Variants in FARP1 observed in about 807,000 individuals in gnomAD.
FARP1 encodes the protein FERM, ARH/RhoGEF and pleckstrin domain protein 1, also known as FERM, ARHGEF and pleckstrin domain-containing protein 1.
A neutral mutation model predicts 128.8 loss-of-function variants in FARP1; 52 were observed. The ratio of observed to expected loss-of-function variants is 0.40; its 90% CI spans 0.32 to 0.51. The LOEUF is 0.51. Ranked by LOEUF, FARP1 falls within the 20% of genes least tolerant of loss-of-function variation. The pLI, the probability that FARP1 is intolerant of heterozygous loss-of-function variation, is 0.45. For synonymous variants in FARP1, 580 were observed against 551.8 expected (o/e 1.05, Z -0.72); for missense variants, 1,333 against 1,367.9 (o/e 0.97, Z 0.40).
intron 5 of FARP1, among the ~76,000 whole-genome samples, chr13:98,370,021 A>G (rs1260148499): frequency 6.6e-6 from 1 of 152,266 alleles, no homozygotes; most frequent in Admixed American, 6.5e-5. Context: ...GAATACTCTC[A>G]TGGAAACAGA....
At chr13:98,391,594 T>C (rs1566946670) in intron 11 of FARP1, among the ~76,000 whole-genome samples, 1 of 152,188 alleles carries the variant, frequency 6.6e-6, no homozygotes, top group Non-Finnish European at 1.5e-5. Flanking sequence ...ATTATTATTA[T>C]TGTTGTTGGT....
At position 98,363,647 on chromosome 13, in the gene FARP1, C is replaced by T. The variant is rs558446413; in HGVS notation, c.277-1748C>T. 2.6e-5 allele frequency among the ~76,000 whole-genome samples: 4 copies of T among 152,348 alleles called. No individual in the cohort carries two copies. In the East Asian group the frequency reaches 5.8e-4, roughly 22 times the overall value. On this transcript the variant is annotated intron_variant, in intron 3 of 26. Transcript: ENST00000319562. Reference sequence around the variant, plus strand: ...TAAGAGATTGCCAAAATTATTCCAACGGGCCAGTCCTAAACTGTGTACCCT... The same window carrying T: ...TAAGAGATTGCCAAAATTATTCCAATGGGCCAGTCCTAAACTGTGTACCCT...
intron 1 of FARP1, among the ~76,000 whole-genome samples, chr13:98,187,990 A>G (rs1878988201): frequency 6.6e-6 from 1 of 152,194 alleles, no homozygotes. Flanking sequence ...CCTGAGGAAA[A>G]GTGTTCACAT....
intron 1 of FARP1, among the ~76,000 whole-genome samples, chr13:98,156,285 T>C (rs1695596293): frequency 6.6e-6 from 1 of 152,242 alleles, no homozygotes; most frequent in South Asian, 2.1e-4. Context: ...GTAGCTGTTA[T>C]TTGTATTATT....
At chr13:98,307,357 A>T (rs1886211645) in intron 2 of FARP1, among the ~76,000 whole-genome samples, 1 of 152,146 alleles carries the variant, frequency 6.6e-6, no homozygotes, top group Non-Finnish European at 1.5e-5. Flanking sequence ...AGTTGACAGA[A>T]CTAATACCTA....
At chr13:98,185,883 A>G (rs913127903) in intron 1 of FARP1, among the ~76,000 whole-genome samples, 1 of 151,740 alleles carries the variant, frequency 6.6e-6, no homozygotes, top group Non-Finnish European at 1.5e-5. Context: ...ATTTTAGTAG[A>G]GACAGGGTTT....
At chr13:98,219,203 G>A (rs544199097) in intron 2 of FARP1, among the ~76,000 whole-genome samples, 5 of 152,274 alleles carry the variant, frequency 3.3e-5, no homozygotes, top group East Asian at 3.9e-4. Flanking sequence ...AAAAAGGGAC[G>A]GAGCCGAAGT....
intron 1 of FARP1, among the ~76,000 whole-genome samples, chr13:98,203,412 G>A (rs1566736024): frequency 6.6e-6 from 1 of 152,152 alleles, no homozygotes; most frequent in Non-Finnish European, 1.5e-5. Context: ...ATCGAGCTCC[G>A]AATCCCAGCC....
intron 1 of FARP1, among the ~76,000 whole-genome samples, chr13:98,163,336 G>T (rs1004387619): frequency 2.6e-5 from 4 of 152,104 alleles, no homozygotes; most frequent in Admixed American, 6.5e-5. Flanking sequence ...GTGGCAGGAG[G>T]GGGAGGAGCA....
intron 1 of FARP1, among the ~76,000 whole-genome samples, chr13:98,186,353 C>G (rs1397496884): frequency 6.6e-6 from 1 of 152,046 alleles, no homozygotes; most frequent in Non-Finnish European, 1.5e-5. Flanking sequence ...GGTGATCCAC[C>G]CACCTCGACC....
chr13:98,152,198 AT>A (rs1296749069), intron 1 of FARP1, among the ~76,000 whole-genome samples: 1 of 152,082 alleles, frequency 6.6e-6, no homozygotes, highest in Non-Finnish European at 1.5e-5. Context: ...CGGCATGTTG[AT>A]TTTTGCACTT....
At chr13:98,178,018 G>C (rs1433255309) in intron 1 of FARP1, 1 of 152,022 alleles carries the variant, frequency 6.6e-6, no homozygotes, top group Non-Finnish European at 1.5e-5. Context: ...TTAAAAGACT[G>C]TCATATCACA....
At chr13:98,264,836 A>C (rs1198949827) in intron 2 of FARP1, among the ~76,000 whole-genome samples, 2 of 152,210 alleles carry the variant, frequency 1.3e-5, no homozygotes, top group African/African-American at 4.8e-5. Context: ...TAGAATTACT[A>C]TTCGATAGTA....
At chr13:98,411,007 AT>A (rs1181732155) in intron 15 of FARP1, among the ~76,000 whole-genome samples, 184 bp downstream of exon 15, 1 of 152,212 alleles carries the variant, frequency 6.6e-6, no homozygotes, top group Non-Finnish European at 1.5e-5. Context: ...ATGCTATAAC[AT>A]TTTTGATAAT....
intron 2 of FARP1, among the ~76,000 whole-genome samples, chr13:98,237,136 C>T (rs1271156364): frequency 1.3e-5 from 2 of 152,010 alleles, no homozygotes; most frequent in African/African-American, 4.8e-5. Flanking sequence ...GAAAACCCAT[C>T]TCTACTAAAA....
intron 2 of FARP1, among the ~76,000 whole-genome samples, chr13:98,296,998 G>C (rs1464012923): frequency 6.6e-6 from 1 of 152,210 alleles, no homozygotes; most frequent in African/African-American, 2.4e-5. Context: ...TGATTTAAAT[G>C]ATTTCAAATG....
chr13:98,273,508 TG>T (rs935860963), intron 2 of FARP1, among the ~76,000 whole-genome samples: 3 of 152,220 alleles, frequency 2.0e-5, no homozygotes, highest in Non-Finnish European at 2.9e-5. Flanking sequence ...AAGGTTCTTC[TG>T]AGGTCCCGTT....
intron 2 of FARP1, among the ~76,000 whole-genome samples, chr13:98,313,783 A>ACTTC (rs1886596210): frequency 6.6e-6 from 1 of 152,218 alleles, no homozygotes; most frequent in Non-Finnish European, 1.5e-5. Flanking sequence ...AACACTGGGA[A>ACTTC]GGGATCATAG....
At chr13:98,412,703 A>AAAAACCAGG (rs1027828006) in intron 16 of FARP1, among the ~76,000 whole-genome samples, 1 of 152,228 alleles carries the variant, frequency 6.6e-6, no homozygotes, top group Non-Finnish European at 1.5e-5. Context: ...GGGAGGTACA[A>AAAAACCAGG]AAAACCAGGA....
Sources: gnomAD v4.1 joint callset for allele counts (sites outside exome capture counted in the v4.1 genomes callset) on GRCh38, gnomAD v4.1.1 for gene constraint, MANE v1.5 for transcripts, NCBI Gene and HGNC (gene_info 2026-07-23, HGNC 2026-07-21) for gene names.